Variants in ABLIM2 observed in about 807,000 individuals in gnomAD.
The protein encoded by ABLIM2 is actin binding LIM protein family member 2, also known as actin-binding LIM protein 2.
ABLIM2 carries 53 observed loss-of-function variants against 97.7 expected under a neutral mutation model. That is an observed-to-expected ratio of 0.54 (90% CI 0.44 to 0.68). ABLIM2 has a LOEUF of 0.68. ABLIM2 is among the 30% of genes least tolerant of loss of function. The probability of loss-of-function intolerance (pLI) is 0.00; values close to 1 mark genes in which losing one functional copy is unlikely to be tolerated. For synonymous variants in ABLIM2, 361 were observed against 345.8 expected (o/e 1.04, Z -0.49); for missense variants, 835 against 867.2 (o/e 0.96, Z 0.47).
At position 8,095,672 on chromosome 4, in the gene ABLIM2, C is replaced by T. The variant is rs150844381; in HGVS notation, c.338+1427G>A. ...GTGCTGGATTACGGGTGTGAGCCTC[C>T]GCGCCCAGCCAGCATGATCTTCCTG... On this transcript the variant is annotated intron_variant, in intron 3 of 20. Transcript: ENST00000447017. This position sits in a 1 kb window ranked among gnomAD's most constrained non-coding sequence, Gnocchi z 4.7. Among the ~76,000 whole-genome samples, 56 of 152,230 alleles carry T rather than the reference C, an allele frequency of 3.7e-4. No individual in the cohort carries two copies. Among genetic ancestry groups the T allele is most frequent in the East Asian group, 1.5e-3 (8 of 5,192 alleles).
At chr4:8,086,871 A>G (rs947696367) in intron 4 of ABLIM2, among the ~76,000 whole-genome samples, 46 of 151,406 alleles carry the variant, frequency 3.0e-4, no homozygotes, top group African/African-American at 1.1e-3. Context: ...AGCTGGAGAG[A>G]AATTTTTGAA....
rs75259151 is a variant in ABLIM2 at position 8,155,123 on chromosome 4, C to T, written c.10+3557G>A. Among the ~76,000 whole-genome samples, 497 of 152,282 alleles carry T rather than the reference C, an allele frequency of 3.3e-3. 1 individual carries two copies. The highest frequency in any genetic ancestry group is 5.4e-3 in the Non-Finnish European group (368 of 68,028). ...GATGTGGGTGGGGACACAGCCAGAC[C>T]GTATCAGCTCATAGTAGGCATTTTG... On this transcript the variant is annotated intron_variant, in intron 1 of 20. Coordinates refer to ENST00000447017, the MANE Select transcript of ABLIM2 (RefSeq NM_001130083.2). The surrounding 1 kb of genome is among the most constrained non-coding windows in gnomAD (Gnocchi z 4.2).
chr4:8,079,716 G>A (rs767120574), intron 5 of ABLIM2, among the ~76,000 whole-genome samples: 14 of 152,162 alleles, frequency 9.2e-5, no homozygotes, highest in Non-Finnish European at 2.1e-4. Flanking sequence ...CGTGATTCAG[G>A]TTCCGTGTGA....
intron 1 of ABLIM2, among the ~76,000 whole-genome samples, chr4:8,146,656 C>T (rs1283508505): frequency 6.6e-6 from 1 of 152,204 alleles, no homozygotes; most frequent in Non-Finnish European, 1.5e-5. Flanking sequence ...CCTCCTGCCT[C>T]AGCCTCCAGA....
In ABLIM2 at chr4:8,021,459, C is replaced by T. The variant is rs1038145911; in HGVS notation, c.1268-1156G>A. Among the ~76,000 whole-genome samples, 1 of 152,248 alleles carries T rather than the reference C, an allele frequency of 6.6e-6. No homozygotes were observed. The highest frequency in any genetic ancestry group is 1.5e-5 in the Non-Finnish European group (1 of 68,042). ...ACCTGCCAGCCCCAGGAAGCCCCCT[C>T]AGCACTAGGCAATGGGCTGCAAGGG... On this transcript the variant is annotated intron_variant, in intron 12 of 20. Coordinates refer to ENST00000447017, the MANE Select transcript of ABLIM2 (RefSeq NM_001130083.2). This position sits in a 1 kb window ranked among gnomAD's most constrained non-coding sequence, Gnocchi z 5.5.
chr4:8,091,969 A>G (rs1338134646), intron 3 of ABLIM2, among the ~76,000 whole-genome samples: 1 of 135,162 alleles, frequency 7.4e-6, no homozygotes, highest in East Asian at 2.0e-4. Flanking sequence ...TAGAATACAT[A>G]TTTTTATATA....
rs138261105 is a variant in ABLIM2, at chr4:8,083,903, T to A, written c.455-3101A>T. Among the ~76,000 whole-genome samples, 15 of 152,128 alleles carry A rather than the reference T, an allele frequency of 9.9e-5. 1 individual carries two copies. The East Asian group carries it at 2.9e-3, about 29-fold the overall frequency. On this transcript the variant is annotated intron_variant, in intron 4 of 20. Coordinates refer to ENST00000447017, the MANE Select transcript of ABLIM2 (RefSeq NM_001130083.2). This position sits in a 1 kb window ranked among gnomAD's most constrained non-coding sequence, Gnocchi z 4.6. ...AGGCTCCCTCTTCCACAAGATGTGGTCATGGTGGGGGTGGTTGTTGGGGGG... is the reference window on the plus strand; with the variant it reads ...AGGCTCCCTCTTCCACAAGATGTGGACATGGTGGGGGTGGTTGTTGGGGGG...
At chr4:7,981,225 G>C (rs759952550) in intron 20 of ABLIM2, among the ~76,000 whole-genome samples, 1 of 152,184 alleles carries the variant, frequency 6.6e-6, no homozygotes, top group African/African-American at 2.4e-5. Flanking sequence ...TTACAGGCAT[G>C]AGCCACCACG....
intron 14 of ABLIM2, among the ~76,000 whole-genome samples, chr4:8,018,123 C>A (rs1395697304): frequency 2.6e-5 from 4 of 152,158 alleles, no homozygotes; most frequent in African/African-American, 9.7e-5. Context: ...TGACAATGAA[C>A]AATTTCATAA....
intron 5 of ABLIM2, among the ~76,000 whole-genome samples, chr4:8,078,760 G>C (rs1037062928): frequency 6.6e-6 from 1 of 152,202 alleles, no homozygotes; most frequent in Non-Finnish European, 1.5e-5. Context: ...ATAATAGTAA[G>C]GACTAATGAA....
chr4:7,988,599 GTTACT>G (rs1746274618), intron 17 of ABLIM2, among the ~76,000 whole-genome samples: 1 of 152,194 alleles, frequency 6.6e-6, no homozygotes, highest in Non-Finnish European at 1.5e-5. Context: ...ATTGGAATGT[GTTACT>G]TTACTCAGCA....
At chr4:8,139,556 A>T (rs1222231915) in intron 1 of ABLIM2, among the ~76,000 whole-genome samples, 1 of 152,246 alleles carries the variant, frequency 6.6e-6, no homozygotes, top group Non-Finnish European at 1.5e-5. Flanking sequence ...ATGAGATACC[A>T]TCTCACACCA....
intron 17 of ABLIM2, among the ~76,000 whole-genome samples, chr4:7,985,752 G>A (rs1743401776): frequency 6.6e-6 from 1 of 152,172 alleles, no homozygotes; most frequent in East Asian, 1.9e-4. Flanking sequence ...GAGAGCTCCT[G>A]CACCTGTCTC....
At chr4:8,088,883 C>A (rs1825541568) in intron 3 of ABLIM2, among the ~76,000 whole-genome samples, 1 of 152,174 alleles carries the variant, frequency 6.6e-6, no homozygotes, top group South Asian at 2.1e-4. Flanking sequence ...GAACCAGAAT[C>A]AAACCAAGAC....
intron 5 of ABLIM2, among the ~76,000 whole-genome samples, chr4:8,079,624 C>T (rs948257322): frequency 6.6e-6 from 1 of 152,274 alleles, no homozygotes; most frequent in Non-Finnish European, 1.5e-5. Context: ...GTCCCATGTA[C>T]CCTTCGCCTA....
chr4:8,117,543 TCCAC>T (rs1843336913), intron 1 of ABLIM2, among the ~76,000 whole-genome samples: 2 of 150,634 alleles, frequency 1.3e-5, no homozygotes, highest in African/African-American at 4.9e-5. Context: ...CTACTAAGAC[TCCAC>T]CCACCAGAGG....
At chr4:7,983,817 T>C (rs866052027) in intron 18 of ABLIM2, among the ~76,000 whole-genome samples, 1 of 152,196 alleles carries the variant, frequency 6.6e-6, no homozygotes, top group African/African-American at 2.4e-5. Context: ...GGCACTGTGC[T>C]TTTCAGCTGT....
chr4:8,032,229 C>T lies in ABLIM2; in HGVS notation c.1048-2453G>A, dbSNP rs1281023698. ...AAAAAAAAAAAAACTAGACCACTAA[C>T]AGTAAAAGCTCTTTTGTAGAGAGAC... is the stretch of plus-strand genomic sequence containing the variant. On this transcript the variant is annotated intron_variant, in intron 10 of 20. Coordinates refer to ENST00000447017, the MANE Select transcript of ABLIM2 (RefSeq NM_001130083.2). This position sits in a 1 kb window ranked among gnomAD's most constrained non-coding sequence, Gnocchi z 4.3. Among the ~76,000 whole-genome samples, 1 of 151,002 alleles carries T rather than the reference C, an allele frequency of 6.6e-6. No homozygotes were observed. Among genetic ancestry groups the T allele is most frequent in the Non-Finnish European group, 1.5e-5 (1 of 67,874 alleles).
rs1782261567 is a variant in ABLIM2, at chr4:8,033,441, T to C, written c.1047+2708A>G. 1.3e-5 allele frequency among the ~76,000 whole-genome samples: 2 copies of C among 152,124 alleles called. No homozygotes were observed. Among genetic ancestry groups the C allele is most frequent in the African/African-American group, 4.8e-5 (2 of 41,442 alleles). ...AAGCTGAAGGCCATGGGTGGAATGA[T>C]GGAATCAAGGGAGAAACCCTCAGGC... On this transcript the variant is annotated intron_variant, in intron 10 of 20. Transcript: ENST00000447017. This position sits in a 1 kb window ranked among gnomAD's most constrained non-coding sequence, Gnocchi z 4.5.
Sources: allele counts gnomAD v4.1 joint callset (sites outside exome capture counted in the v4.1 genomes callset), GRCh38; gene constraint gnomAD v4.1.1; non-coding constraint Gnocchi (gnomAD v3.1); transcripts MANE v1.5; gene names NCBI Gene and HGNC (gene_info 2026-07-23, HGNC 2026-07-21).